Variants in MGMT observed in about 807,000 individuals in gnomAD.
MGMT encodes O-6-methylguanine-DNA methyltransferase.
Under a neutral mutation model 15.9 loss-of-function variants are expected in MGMT, and 14 were observed. The observed-to-expected ratio is 0.88, with a 90% CI of 0.58 to 1.37. The LOEUF (loss-of-function observed/expected upper bound fraction) is 1.37. Among genes scored for constraint, MGMT ranks in the 40% most tolerant of loss-of-function variants. MGMT has a pLI of 0.00. For missense variants in MGMT, 282 were observed against 268.1 expected (o/e 1.05, Z -0.36); for synonymous variants, 130 against 118.2 (o/e 1.10, Z -0.65).
At chr10:129,655,922 G>A (rs529741901) in intron 2 of MGMT, among the ~76,000 whole-genome samples, 30 of 152,288 alleles carry the variant, frequency 2.0e-4, no homozygotes, top group Admixed American at 3.3e-4. Context: ...GAAGTTCCAC[G>A]TGTTTAAATA....
chr10:129,627,186 G>T (rs1231480805), intron 2 of MGMT, among the ~76,000 whole-genome samples: 1 of 152,278 alleles, frequency 6.6e-6, no homozygotes, highest in East Asian at 1.9e-4. Context: ...GCTGAAGATG[G>T]GTGTGCTGGG....
chr10:129,735,146 C>T (rs1848545465), intron 3 of MGMT, among the ~76,000 whole-genome samples: 1 of 152,164 alleles, frequency 6.6e-6, no homozygotes, highest in Non-Finnish European at 1.5e-5. Context: ...GTACCAGTTC[C>T]TCCTTGTACC....
intron 2 of MGMT, among the ~76,000 whole-genome samples, chr10:129,627,638 G>A (rs1393179849): frequency 2.6e-5 from 4 of 152,066 alleles, no homozygotes; most frequent in Non-Finnish European, 4.4e-5. Flanking sequence ...GATTTCATCC[G>A]GAAGCGGCCT....
chr10:129,487,353 G>T (rs1354321867), intron 1 of MGMT, among the ~76,000 whole-genome samples: 1 of 152,000 alleles, frequency 6.6e-6, no homozygotes, highest in East Asian at 1.9e-4. Context: ...ACATCTCTGG[G>T]GTTGCTAGGA....
intron 2 of MGMT, among the ~76,000 whole-genome samples, chr10:129,671,753 T>A (rs1847726202): frequency 6.6e-6 from 1 of 152,184 alleles, no homozygotes; most frequent in Non-Finnish European, 1.5e-5. Flanking sequence ...AACAAAGAAA[T>A]CGCTCACGTC....
At chr10:129,667,699 TA>T (rs1320291964) in intron 2 of MGMT, among the ~76,000 whole-genome samples, 2 of 152,246 alleles carry the variant, frequency 1.3e-5, no homozygotes, top group African/African-American at 2.4e-5. Flanking sequence ...CCAGTGTGAT[TA>T]AACATCAGAT....
intron 1 of MGMT, among the ~76,000 whole-genome samples, chr10:129,529,148 G>T (rs983701824): frequency 2.0e-5 from 3 of 151,912 alleles, no homozygotes; most frequent in African/African-American, 7.3e-5. Context: ...AAGCGAGAGC[G>T]AGGCTGGAGT....
At chr10:129,604,194 G>T (rs574133901) in intron 2 of MGMT, among the ~76,000 whole-genome samples, 6 of 152,116 alleles carry the variant, frequency 3.9e-5, no homozygotes, top group African/African-American at 1.4e-4. Context: ...TCTCTACGAC[G>T]CTCATCATCT....
rs780706260 is a variant in MGMT at position 129,707,917 on chromosome 10, G to A, written c.148G>A (p.Ala50Thr). ...CAGTGCCGTGGAGGTCCCAGCCCCC[G>A]CTGCGGTTCTCGGAGGTCCGGAGCC... ...AADAVEVPAP[A>T]AVLGGPEPLM... Residue 50 changes from alanine (A) to threonine (T), a missense_variant, in exon 3 of 5, where the codon GCT becomes ACT. Physicochemically the swap from Ala to Thr is moderately conservative, Grantham distance 58 (BLOSUM62 0). Transcript: ENST00000651593. 1.4e-5 allele frequency: 23 copies of A among 1,611,954 alleles called. No individual in the cohort carries two copies. Among genetic ancestry groups the A allele is most frequent in the Middle Eastern group, 3.4e-4 (2 of 5,968 alleles).
At chr10:129,546,205 C>T (rs1282923001) in intron 2 of MGMT, among the ~76,000 whole-genome samples, 1 of 152,254 alleles carries the variant, frequency 6.6e-6, no homozygotes, top group African/African-American at 2.4e-5. Flanking sequence ...GAATGTGCAG[C>T]CCCACCTGCA....
intron 3 of MGMT, 128 bp downstream of exon 3, chr10:129,708,171 T>A (rs1848189837): frequency 1.5e-6 from 2 of 1,319,616 alleles, no homozygotes; most frequent in Non-Finnish European, 2.1e-6. Flanking sequence ...AGAGGCAGCG[T>A]TTGGCCGAGC....
chr10:129,581,417 C>G (rs1221800753), intron 2 of MGMT, among the ~76,000 whole-genome samples: 1 of 152,160 alleles, frequency 6.6e-6, no homozygotes, highest in Non-Finnish European at 1.5e-5. Context: ...GTCTTTCTGA[C>G]CCCACATCAT....
At chr10:129,470,990 T>A (rs1845224126) in intron 1 of MGMT, among the ~76,000 whole-genome samples, 1 of 152,228 alleles carries the variant, frequency 6.6e-6, no homozygotes, top group Non-Finnish European at 1.5e-5. Flanking sequence ...CTTGGTAGAA[T>A]AATTTCCTAC....
At chr10:129,590,383 T>C (rs1405798360) in intron 2 of MGMT, among the ~76,000 whole-genome samples, 9 of 152,242 alleles carry the variant, frequency 5.9e-5, no homozygotes, top group Admixed American at 1.3e-4. Context: ...TGAATACTTA[T>C]GTTTCGATTT....
chr10:129,686,608 C>A (rs1847907156), intron 2 of MGMT, among the ~76,000 whole-genome samples: 1 of 152,150 alleles, frequency 6.6e-6, no homozygotes, highest in Admixed American at 6.5e-5. Flanking sequence ...AGTGATCCAC[C>A]CACCTGGGCC....
chr10:129,688,844 G>A (rs929636947), intron 2 of MGMT, among the ~76,000 whole-genome samples: 1 of 152,152 alleles, frequency 6.6e-6, no homozygotes, highest in Admixed American at 6.5e-5. Context: ...GACACGGCAA[G>A]CATCAGACCT....
At chr10:129,497,654 G>A (rs1315467799) in intron 1 of MGMT, among the ~76,000 whole-genome samples, 2 of 152,178 alleles carry the variant, frequency 1.3e-5, no homozygotes, top group East Asian at 3.9e-4. Context: ...CTCCTCTAGT[G>A]CAATGGTCTG....
chr10:129,610,430 C>T (rs1846945865), intron 2 of MGMT, among the ~76,000 whole-genome samples: 1 of 152,240 alleles, frequency 6.6e-6, no homozygotes, highest in African/African-American at 2.4e-5. Flanking sequence ...ATGCCCCACC[C>T]CAGGGCCTTG....
intron 1 of MGMT, among the ~76,000 whole-genome samples, chr10:129,477,736 G>A (rs1845311336): frequency 6.6e-6 from 1 of 152,176 alleles, no homozygotes; most frequent in African/African-American, 2.4e-5. Context: ...ATAAATGTCT[G>A]TTGGTTAAGC....
Sources: allele counts gnomAD v4.1 joint callset (sites outside exome capture counted in the v4.1 genomes callset), GRCh38; gene constraint gnomAD v4.1.1; transcripts MANE v1.5; gene names NCBI Gene and HGNC (gene_info 2026-07-23, HGNC 2026-07-21).